The following SEZ6L variants were observed in gnomAD, a reference collection of about 807,000 sequenced individuals.
SEZ6L encodes the protein seizure 6-like protein.
A neutral mutation model predicts 106.2 loss-of-function variants in SEZ6L; 37 were observed. The observed-to-expected ratio is 0.35, with a 90% CI of 0.27 to 0.46. The LOEUF (loss-of-function observed/expected upper bound fraction) is 0.46, where lower values mean the gene tolerates loss of function less well. Among genes scored for constraint, SEZ6L ranks in the 20% least tolerant of loss-of-function variants. The pLI is 1.00. For missense variants in SEZ6L, 1,172 were observed against 1,332.8 expected (o/e 0.88, Z 1.88); for synonymous variants, 541 against 570.4 (o/e 0.95, Z 0.73).
At chr22:26,181,606 T>C (rs1362063927) in intron 1 of SEZ6L, among the ~76,000 whole-genome samples, 2 of 152,188 alleles carry the variant, frequency 1.3e-5, no homozygotes, top group African/African-American at 4.8e-5. Context: ...AATCCGACTG[T>C]GTAAGCTTGA....
At chr22:26,183,478 G>A (rs562758350) in intron 1 of SEZ6L, among the ~76,000 whole-genome samples, 1 of 152,198 alleles carries the variant, frequency 6.6e-6, no homozygotes, top group African/African-American at 2.4e-5. Flanking sequence ...ACTCCCTATA[G>A]CCCTAGTTGC....
At chr22:26,355,200 A>C in intron 12 of SEZ6L, among the ~76,000 whole-genome samples, 1 of 152,256 alleles carries the variant, frequency 6.6e-6, no homozygotes, top group Non-Finnish European at 1.5e-5. Context: ...CGGAAATCGC[A>C]CAGGTGAATG....
intron 1 of SEZ6L, among the ~76,000 whole-genome samples, chr22:26,251,060 T>C (rs2079560539): frequency 6.6e-6 from 1 of 152,208 alleles, no homozygotes; most frequent in African/African-American, 2.4e-5. Flanking sequence ...CTAAGAGTTT[T>C]TTGGTGGAGT....
intron 1 of SEZ6L, among the ~76,000 whole-genome samples, chr22:26,229,645 C>A (rs907222947): frequency 6.6e-6 from 1 of 152,204 alleles, no homozygotes; most frequent in Non-Finnish European, 1.5e-5. Flanking sequence ...TGCACCTCAG[C>A]ATCCCTTAGG....
chr22:26,367,965 A>G (rs918813519), intron 13 of SEZ6L, among the ~76,000 whole-genome samples: 3 of 152,260 alleles, frequency 2.0e-5, no homozygotes, highest in African/African-American at 4.8e-5. Context: ...GTAACACACT[A>G]AGTAAAATTT....
At chr22:26,322,092 A>G (rs2082171462) in intron 9 of SEZ6L, among the ~76,000 whole-genome samples, 1 of 152,240 alleles carries the variant, frequency 6.6e-6, no homozygotes, top group African/African-American at 2.4e-5. Context: ...GGGTAGAGAT[A>G]ATTACAGAAG....
At chr22:26,316,527 C>T (rs150230955) in intron 9 of SEZ6L, among the ~76,000 whole-genome samples, 220 of 152,024 alleles carry the variant, frequency 1.4e-3, no homozygotes, top group Middle Eastern at 3.4e-3. Context: ...AGGCAGGTGA[C>T]GAGGGGAAAA....
intron 12 of SEZ6L, among the ~76,000 whole-genome samples, chr22:26,353,343 G>T (rs969881703): frequency 6.6e-6 from 1 of 152,152 alleles, no homozygotes; most frequent in Non-Finnish European, 1.5e-5. Flanking sequence ...TGTATATATA[G>T]TGTGTGTACA....
rs77917025 is a variant in SEZ6L, at chr22:26,321,348, C to G, written c.2015+7446C>G. Among the ~76,000 whole-genome samples the G allele has an allele frequency of 5.2e-3, 799 of 152,338 alleles. 10 individuals carry two copies. The highest frequency in any genetic ancestry group is 0.018 in the African/African-American group (761 of 41,574). On this transcript the variant is annotated intron_variant, in intron 9 of 16. Transcript: ENST00000248933. ...TGTGTCTGGAGTTCAAGGGTGCGTC[C>G]ATGAAGTAGGACAGCCTGGCGGTGA...
intron 12 of SEZ6L, among the ~76,000 whole-genome samples, chr22:26,364,470 A>T (rs1169953807): frequency 6.7e-6 from 1 of 150,004 alleles, no homozygotes; most frequent in Non-Finnish European, 1.5e-5. Flanking sequence ...GGACACGCCT[A>T]TAGTCCCAGC....
At chr22:26,268,108 A>G (rs769890322) in intron 1 of SEZ6L, among the ~76,000 whole-genome samples, 293 of 152,246 alleles carry the variant, frequency 1.9e-3, no homozygotes, top group Admixed American at 2.9e-3. Flanking sequence ...TCAATTAAAT[A>G]CCAATCCAAT....
chr22:26,269,983 C>A (rs140561348), intron 1 of SEZ6L, among the ~76,000 whole-genome samples: 2 of 152,282 alleles, frequency 1.3e-5, no homozygotes, highest in East Asian at 3.9e-4. Flanking sequence ...AGGGAAAAGA[C>A]CCCGGAGAAA....
At chr22:26,269,334 C>T (rs997701148) in intron 1 of SEZ6L, among the ~76,000 whole-genome samples, 15 of 152,136 alleles carry the variant, frequency 9.9e-5, no homozygotes, top group African/African-American at 3.1e-4. Context: ...TGGTCTTTTA[C>T]GCGTGTAGGA....
intron 3 of SEZ6L, among the ~76,000 whole-genome samples, chr22:26,295,322 A>G (rs1006198686): frequency 2.6e-5 from 4 of 152,194 alleles, no homozygotes; most frequent in African/African-American, 9.7e-5. Context: ...CATGTTATCC[A>G]TTATCTTCAG....
chr22:26,272,619 G>T (rs1352869439), intron 1 of SEZ6L, among the ~76,000 whole-genome samples: 3 of 152,190 alleles, frequency 2.0e-5, no homozygotes, highest in South Asian at 2.1e-4. Flanking sequence ...AGGGACTCTG[G>T]AGTATTTTAT....
At chr22:26,258,791 G>C (rs763671328) in intron 1 of SEZ6L, among the ~76,000 whole-genome samples, 4 of 152,214 alleles carry the variant, frequency 2.6e-5, no homozygotes, top group Admixed American at 6.5e-5. Context: ...TGCAAGTGCA[G>C]ACCTGGGTAG....
chr22:26,281,580 G>A (rs1464775663), intron 1 of SEZ6L, among the ~76,000 whole-genome samples: 6 of 151,872 alleles, frequency 4.0e-5, no homozygotes, highest in South Asian at 2.1e-4. Flanking sequence ...GGGTTTCACC[G>A]TGTTAGCCAG....
intron 1 of SEZ6L, among the ~76,000 whole-genome samples, chr22:26,279,856 C>A (rs1008113505): frequency 5.3e-5 from 8 of 152,248 alleles, no homozygotes; most frequent in Admixed American, 5.2e-4. Flanking sequence ...CTGCTCCCCA[C>A]GGAAATGTGA....
intron 5 of SEZ6L, among the ~76,000 whole-genome samples, chr22:26,300,191 A>C (rs1159105871): frequency 6.6e-6 from 1 of 152,088 alleles, no homozygotes; most frequent in Admixed American, 6.5e-5. Flanking sequence ...TTTAGGGTAC[A>C]TGTGCACAAC....
Sources: allele counts gnomAD v4.1 joint callset (sites outside exome capture counted in the v4.1 genomes callset), GRCh38; gene constraint gnomAD v4.1.1; transcripts MANE v1.5; gene names NCBI Gene and HGNC (gene_info 2026-07-23, HGNC 2026-07-21).